Variants in CAPN13 observed in about 807,000 individuals in gnomAD.
CAPN13 encodes calpain 13.
In CAPN13, 90 loss-of-function variants were observed where a neutral mutation model predicts 98.4. The ratio of observed to expected loss-of-function variants is 0.92; its 90% CI spans 0.77 to 1.09. The LOEUF (loss-of-function observed/expected upper bound fraction) is 1.09, where lower values mean the gene tolerates loss of function less well. Ranked by LOEUF, CAPN13 falls within the 50% of genes least tolerant of loss-of-function variation. The pLI, the probability that CAPN13 is intolerant of heterozygous loss-of-function variation, is 0.00. For missense variants in CAPN13, 887 were observed against 841.3 expected (o/e 1.05, Z -0.67); for synonymous variants, 330 against 305.5 (o/e 1.08, Z -0.84).
At chr2:30,764,402 A>T in intron 5 of CAPN13, 96 bp from the exon 6 acceptor site, 1 of 1,375,116 alleles carries the variant, frequency 7.3e-7, no homozygotes, top group Non-Finnish European at 1.0e-6. Context: ...TTCCCAGGTA[A>T]GGGGCTGCCT....
At chr2:30,730,411 C>T (rs775676719) in intron 22 of CAPN13, among the ~76,000 whole-genome samples, 30 of 152,220 alleles carry the variant, frequency 2.0e-4, no homozygotes, top group Non-Finnish European at 2.9e-4. Context: ...CATTCCATTT[C>T]CACCATTTCT....
intron 7 of CAPN13, among the ~76,000 whole-genome samples, chr2:30,760,536 C>T (rs1466357716): frequency 6.6e-6 from 1 of 152,170 alleles, no homozygotes; most frequent in Non-Finnish European, 1.5e-5. Context: ...AGGGGAATCG[C>T]CGACTGAGCT....
intron 11 of CAPN13, among the ~76,000 whole-genome samples, chr2:30,748,332 T>G (rs1053240349): frequency 6.6e-6 from 1 of 152,172 alleles, no homozygotes; most frequent in African/African-American, 2.4e-5. Context: ...TCAGCAGGAA[T>G]TCTCGTCTGA....
At chr2:30,748,114 G>A (rs1672002748) in intron 11 of CAPN13, among the ~76,000 whole-genome samples, 1 of 152,222 alleles carries the variant, frequency 6.6e-6, no homozygotes, top group Non-Finnish European at 1.5e-5. Flanking sequence ...TCCTTCTGTG[G>A]GCTTCTGTCT....
Position 30,753,246 on chromosome 2 carries a change from C to T in CAPN13, c.942-48G>A, listed in dbSNP as rs10184109. 2,133 of 1,603,370 alleles carry T rather than the reference C, an allele frequency of 1.3e-3. 24 individuals are homozygous for T. In the African/African-American group the frequency reaches 0.023, roughly 17 times the overall value. Reference sequence around the variant, plus strand: ...ACTCAGTGACCAGGGGTTGTGTCCCCAGGGTGGGGGTTCCTATGACTTCAC... The same window carrying T: ...ACTCAGTGACCAGGGGTTGTGTCCCTAGGGTGGGGGTTCCTATGACTTCAC... On this transcript the variant is annotated intron_variant, in intron 9 of 22. Transcript: ENST00000295055.
At chr2:30,756,186 G>A (rs1672434763) in intron 8 of CAPN13, among the ~76,000 whole-genome samples, 2 of 152,238 alleles carry the variant, frequency 1.3e-5, no homozygotes, top group Admixed American at 6.5e-5. Context: ...GCCTGCAGGG[G>A]ATAAATCCAG....
At chr2:30,795,667 A>G (rs1304068707) in intron 1 of CAPN13, among the ~76,000 whole-genome samples, 2 of 152,032 alleles carry the variant, frequency 1.3e-5, no homozygotes, top group South Asian at 2.1e-4. Flanking sequence ...TTTGTTGGTC[A>G]TATGTCTTGT....
chr2:30,743,552 A>AT lies in CAPN13; in HGVS notation c.1275_1276insA (p.Phe426IlefsTer14). 6.2e-7 allele frequency: 1 copy of AT among 1,614,008 alleles called. No individual in the cohort carries two copies. Among genetic ancestry groups the AT allele is most frequent in the Non-Finnish European group, 8.5e-7 (1 of 1,179,898 alleles). ...ACAGTGTTTCTGAACGAGGAAAAAAACACGGGTGGAAATTTCTCCCGGAAC... is the reference window on the plus strand; with the variant it reads ...ACAGTGTTTCTGAACGAGGAAAAAAATCACGGGTGGAAATTTCTCCCGGAAC... On this transcript the variant is annotated frameshift_variant, in exon 13 of 23. Transcript: ENST00000295055. LOFTEE classifies it high-confidence loss of function.
At chr2:30,803,124 A>T (rs1319132883) in intron 1 of CAPN13, among the ~76,000 whole-genome samples, 1 of 152,220 alleles carries the variant, frequency 6.6e-6, no homozygotes, top group East Asian at 1.9e-4. Context: ...GGTGGGGCTT[A>T]ATGGTATATG....
At chr2:30,775,289 A>T (rs77158591) in intron 4 of CAPN13, among the ~76,000 whole-genome samples, 4,035 of 152,262 alleles carry the variant, frequency 0.027, 67 homozygotes, top group Middle Eastern at 0.054. Context: ...AGAATGAATT[A>T]ATCAAGAAAG....
intron 20 of CAPN13, among the ~76,000 whole-genome samples, chr2:30,732,016 G>T (rs1438009330): frequency 6.6e-6 from 1 of 152,156 alleles, no homozygotes; most frequent in Non-Finnish European, 1.5e-5. Flanking sequence ...AAAAAGTGTG[G>T]AAACTTCGGC....
chr2:30,803,899 C>A (rs1675442991), intron 1 of CAPN13, among the ~76,000 whole-genome samples: 5 of 152,172 alleles, frequency 3.3e-5, no homozygotes, highest in African/African-American at 1.2e-4. Flanking sequence ...ATTATTGAGA[C>A]AAGGAAACAG....
chr2:30,740,301 G>A (rs1238462584), intron 15 of CAPN13, among the ~76,000 whole-genome samples: 1 of 152,002 alleles, frequency 6.6e-6, no homozygotes, highest in Non-Finnish European at 1.5e-5. Flanking sequence ...CACCATGCTG[G>A]CCAGGCTGGT....
At position 30,784,294 on chromosome 2, in the gene CAPN13, G is replaced by T. The variant is rs544548296; in HGVS notation, c.198+2834C>A. Among the ~76,000 whole-genome samples, 113 of 152,300 alleles carry T rather than the reference G, an allele frequency of 7.4e-4. 1 individual carries two copies. Among genetic ancestry groups the T allele is most frequent in the Admixed American group, 7.3e-3 (111 of 15,304 alleles). ...TCCCTGAAAGAGTTTTCTTAAACTG[G>T]CCAAGGACTGAAGCTGAGATGGCTG... is the stretch of plus-strand genomic sequence containing the variant. On this transcript the variant is annotated intron_variant, in intron 2 of 22. Transcript: ENST00000295055.
chr2:30,806,813 T>G (rs1675657418), intron 1 of CAPN13, among the ~76,000 whole-genome samples: 1 of 152,246 alleles, frequency 6.6e-6, no homozygotes, highest in Non-Finnish European at 1.5e-5. Context: ...AGTTGTCAAC[T>G]TCATTCCTAT....
intron 17 of CAPN13, chr2:30,737,806 G>A (rs1671449994): frequency 4.8e-6 from 1 of 209,076 alleles, no homozygotes; most frequent in Non-Finnish European, 9.9e-6. Context: ...TTAGAGCATC[G>A]ACTTTGGAGG....
At chr2:30,740,504 C>T (rs976448301) in intron 15 of CAPN13, among the ~76,000 whole-genome samples, 2 of 152,136 alleles carry the variant, frequency 1.3e-5, no homozygotes, top group Non-Finnish European at 2.9e-5. Flanking sequence ...GGACACAGAC[C>T]CTGAGGACAG....
At chr2:30,757,806 T>C (rs1468024685) in intron 8 of CAPN13, among the ~76,000 whole-genome samples, 2 of 152,134 alleles carry the variant, frequency 1.3e-5, no homozygotes, top group Non-Finnish European at 2.9e-5. Flanking sequence ...CATATATACC[T>C]CACAACACCC....
chr2:30,801,625 A>AAAG (rs1157271832), intron 1 of CAPN13, among the ~76,000 whole-genome samples: 1 of 138,566 alleles, frequency 7.2e-6, no homozygotes, highest in Non-Finnish European at 1.5e-5. Context: ...AAAAAAAAAA[A>AAAG]AAGAAGAAGA....
Sources: gnomAD v4.1 joint callset for allele counts (sites outside exome capture counted in the v4.1 genomes callset) on GRCh38, gnomAD v4.1.1 for gene constraint, MANE v1.5 for transcripts, NCBI Gene and HGNC (gene_info 2026-07-23, HGNC 2026-07-21) for gene names.